The following ERICH3 variants were observed in gnomAD, a reference collection of about 807,000 sequenced individuals.
ERICH3 encodes glutamate rich 3, also known as glutamate-rich protein 3.
Under a neutral mutation model 131.1 loss-of-function variants are expected in ERICH3, and 126 were observed. That is an observed-to-expected ratio of 0.96 (90% CI 0.83 to 1.11). The LOEUF is 1.11. ERICH3 is among the 50% of genes most tolerant of loss of function. The probability of loss-of-function intolerance (pLI) is 0.00; values close to 1 mark genes in which losing one functional copy is unlikely to be tolerated. For missense variants in ERICH3, 2,050 were observed against 1,810.7 expected, an observed-to-expected ratio of 1.13 and a Z score of -2.40; for synonymous variants, 695 against 644.6, an observed-to-expected ratio of 1.08 and a Z score of -1.18.
intron 8 of ERICH3, among the ~76,000 whole-genome samples, chr1:74,618,182 CGTTAATATAA>C (rs1435548065): frequency 6.6e-6 from 1 of 151,868 alleles, no homozygotes; most frequent in Non-Finnish European, 1.5e-5. Flanking sequence ...AATTAAAAAC[CGTTAATATAA>C]GTCAAAGCAC....
intron 10 of ERICH3, among the ~76,000 whole-genome samples, chr1:74,603,513 T>C (rs915118893): frequency 2.6e-5 from 4 of 151,870 alleles, no homozygotes; most frequent in Non-Finnish European, 5.9e-5. Flanking sequence ...GCTTTAGGTA[T>C]AAGCATATAC....
chr1:74,636,354 T>C lies in ERICH3; in HGVS notation c.529A>G (p.Thr177Ala). ...GACCTTGAAGTTACCTTTGGAACAG[T>C]TTCTACTGCAGGATTACTGGGAAGA... is the stretch of plus-strand genomic sequence containing the variant. ...QPLPSNPAVE[T>A]VPKVTSRSRS... Residue 177 changes from threonine to alanine, a missense_variant, in exon 6 of 15, where the codon ACT becomes GCT. Coordinates refer to ENST00000326665, the MANE Select transcript of ERICH3 (RefSeq NM_001002912.5). 1 of 1,613,308 alleles carries C rather than the reference T, an allele frequency of 6.2e-7. No individual in the cohort carries two copies. The highest frequency in any genetic ancestry group is 8.5e-7 in the Non-Finnish European group (1 of 1,179,452).
chr1:74,622,995 C>G (rs1649280794), intron 7 of ERICH3: 1 of 152,174 alleles, frequency 6.6e-6, no homozygotes, highest in Non-Finnish European at 1.5e-5. Flanking sequence ...AATATACACA[C>G]TAGGAAACAA....
chr1:74,589,433 T>C (rs750331497), intron 12 of ERICH3, 198 bp downstream of exon 12: 7 of 611,644 alleles, frequency 1.1e-5, no homozygotes, highest in African/African-American at 1.8e-5. Context: ...TATCGAGTAA[T>C]TTTTTAAGTG....
At chr1:74,670,706 T>C (rs1229668831) in intron 1 of ERICH3, among the ~76,000 whole-genome samples, 1 of 152,114 alleles carries the variant, frequency 6.6e-6, no homozygotes, top group East Asian at 1.9e-4. Flanking sequence ...TCAGTGCACC[T>C]TGAAAAAGAA....
rs1442581282 is a variant in ERICH3, at chr1:74,606,745, T to C, written c.1345A>G (p.Lys449Glu). 3.7e-6 allele frequency: 6 copies of C among 1,613,550 alleles called. No homozygotes were observed. The highest frequency in any genetic ancestry group is 1.1e-5 in the South Asian group (1 of 91,064). Reference protein sequence around the residue: ...IPKRNEIKENKTSVSAKFSAQ... With the variant: ...IPKRNEIKENETSVSAKFSAQ... ...GAAAATTTGGCTGAAACAGAGGTTT[T>C]GTTCTCCTTGATCTCATTTCTTTTT... The change falls in exon 10 of 15, where the codon AAA becomes GAA. Residue 449 changes from lysine (K) to glutamate (E), a missense_variant. Transcript: ENST00000326665.
chr1:74,588,524 A>T lies in ERICH3; in HGVS notation c.2176+1107T>A, dbSNP rs190913166. ...CAGTAGTTTTTAAGGGTCTAAAAGT[A>T]ACATAGACGCTAAAAGCATTCATAT... is the stretch of plus-strand genomic sequence containing the variant. On this transcript the variant is annotated intron_variant, in intron 12 of 14. Transcript: ENST00000326665. 1.1e-3 allele frequency among the ~76,000 whole-genome samples: 171 copies of T among 152,322 alleles called. 1 individual carries two copies. Among genetic ancestry groups the T allele is most frequent in the Non-Finnish European group, 8.1e-4 (55 of 68,034 alleles).
chr1:74,570,834 T>G (rs1646928430), intron 14 of ERICH3, among the ~76,000 whole-genome samples: 1 of 152,154 alleles, frequency 6.6e-6, no homozygotes, highest in African/African-American at 2.4e-5. Flanking sequence ...GAGACACAGA[T>G]CTCACTACTT....
At chr1:74,655,530 C>G (rs780769899) in intron 1 of ERICH3, among the ~76,000 whole-genome samples, 1 of 152,176 alleles carries the variant, frequency 6.6e-6, no homozygotes, top group Non-Finnish European at 1.5e-5. Context: ...CTGGTTCTGG[C>G]TCTTCTGCCT....
rs757719329 is a variant in ERICH3, at chr1:74,571,093, A to G, written c.*18+6T>C. On this transcript the variant is annotated splice_donor_region_variant and intron_variant, in intron 14 of 14. Coordinates refer to ENST00000326665, the MANE Select transcript of ERICH3 (RefSeq NM_001002912.5). ...AGTCCTACAAAGACATTACGCTTAA[A>G]CTCACTGTCTGCCAGCAAGTCTCCT... is the stretch of plus-strand genomic sequence containing the variant. 6.2e-7 allele frequency: 1 copy of G among 1,600,648 alleles called. No homozygotes were observed. The highest frequency in any genetic ancestry group is 8.5e-7 in the Non-Finnish European group (1 of 1,173,890).
chr1:74,594,134 A>G (rs1647734589), intron 11 of ERICH3, among the ~76,000 whole-genome samples: 1 of 152,118 alleles, frequency 6.6e-6, no homozygotes, highest in Non-Finnish European at 1.5e-5. Context: ...ATACAAAGCA[A>G]AAGCAAAAGG....
At chr1:74,634,318 A>G (rs141789842) in intron 6 of ERICH3, among the ~76,000 whole-genome samples, 4 of 152,266 alleles carry the variant, frequency 2.6e-5, no homozygotes, top group Admixed American at 2.0e-4. Context: ...GCCATCATAA[A>G]TGCTCAATAA....
chr1:74,612,890 A>G, intron 8 of ERICH3, 81 bp from the exon 9 acceptor site: 1 of 1,225,984 alleles, frequency 8.2e-7, no homozygotes, highest in Middle Eastern at 2.2e-4. Context: ...TCTATTAGAT[A>G]AACACAATAT....
At position 74,572,824 on chromosome 1, in the gene ERICH3, T is replaced by G; in HGVS notation, c.2886A>C (p.Thr962=). 2 of 1,613,886 alleles carry G rather than the reference T, an allele frequency of 1.2e-6. No homozygotes were observed. The highest frequency in any genetic ancestry group is 1.7e-5 in the Admixed American group (1 of 60,014). Residue 962 remains threonine (T), a synonymous_variant, in exon 14 of 15, where the codon ACA becomes ACC. Transcript: ENST00000326665. ...CAGAACCGTCCTCTCTCTTTGATGC[T>G]GTGTCCTCCATGGGTCCTGTGTCCT... ...DLEDTGPMED[T]ASKREDGSEE...
chr1:74,644,054 A>T (rs78754861), intron 3 of ERICH3, among the ~76,000 whole-genome samples: 88 of 147,072 alleles, frequency 6.0e-4, no homozygotes, highest in East Asian at 4.9e-3. Flanking sequence ...TGTAAAAATA[A>T]TCTGCTTAAA....
rs1382266259 is a variant in ERICH3, at chr1:74,612,670, T to G, written c.1140A>C (p.Arg380=). The G allele has an allele frequency of 2.5e-6, 4 of 1,592,780 alleles. No individual in the cohort carries two copies. In the East Asian group the frequency reaches 9.0e-5, roughly 36 times the overall value. ...HRKGSRLGGK[R]GYFGFVCVER... Reference sequence around the variant, plus strand: ...CAACACACACAAACCCAAAGTAGCCTCGTTTGCCTCCAAGCCTGGAACCTT... The same window carrying G: ...CAACACACACAAACCCAAAGTAGCCGCGTTTGCCTCCAAGCCTGGAACCTT... The change falls in exon 9 of 15, where the codon CGA becomes CGC. Residue 380 remains arginine (R), a synonymous_variant. Transcript: ENST00000326665.
At chr1:74,596,211 TCTTA>T (rs1305334799) in intron 11 of ERICH3, among the ~76,000 whole-genome samples, 3 of 151,976 alleles carry the variant, frequency 2.0e-5, no homozygotes, top group African/African-American at 4.8e-5. Flanking sequence ...TGACTTCAAG[TCTTA>T]CTTTCTTTTT....
Position 74,571,642 on chromosome 1 carries a change from C to G in ERICH3, c.4068G>C (p.Glu1356Asp). 6.2e-7 allele frequency: 1 copy of G among 1,614,186 alleles called. No homozygotes were observed. Among genetic ancestry groups the G allele is most frequent in the Non-Finnish European group, 8.5e-7 (1 of 1,180,032 alleles). Reference protein sequence around the residue: ...GGETAETAAEEREVLAGSETA... With the variant: ...GGETAETAAEDREVLAGSETA... ...TCTCCGAACCTGCCAACACCTCCCT[C>G]TCCTCTGCGGCTGTTTCTGCCGTTT... The change falls in exon 14 of 15, where the codon GAG becomes GAC. Residue 1356 changes from glutamate to aspartate, a missense_variant. Glu to Asp is a conservative substitution (Grantham distance 45). Transcript: ENST00000326665.
chr1:74,645,206 A>ATTT lies in ERICH3; in HGVS notation c.243+1458_243+1460dup, dbSNP rs967856571. Among the ~76,000 whole-genome samples the ATTT allele has an allele frequency of 4.0e-5, 6 of 151,006 alleles. No homozygotes were observed. The East Asian group carries it at 1.2e-3, about 29-fold the overall frequency. ...CTAGCACTTAGTCACATTCTACAGT[A>ATTT]TTTTTTTTTAATCCTACCTTGCAGC... On this transcript the variant is annotated intron_variant, in intron 3 of 14. Coordinates refer to ENST00000326665, the MANE Select transcript of ERICH3 (RefSeq NM_001002912.5).
Sources: allele counts gnomAD v4.1 joint callset (sites outside exome capture counted in the v4.1 genomes callset), GRCh38; gene constraint gnomAD v4.1.1; transcripts MANE v1.5; gene names NCBI Gene and HGNC (gene_info 2026-07-23, HGNC 2026-07-21).